MCF2L: variants seen among roughly 807,000 people sequenced by gnomAD.
MCF2L encodes the protein guanine nucleotide exchange factor DBS.
Under a neutral mutation model 153.4 loss-of-function variants are expected in MCF2L, and 97 were observed. The ratio of observed to expected loss-of-function variants is 0.63; its 90% CI spans 0.54 to 0.75. The LOEUF (loss-of-function observed/expected upper bound fraction) is 0.75. Among genes scored for constraint, MCF2L ranks in the 30% least tolerant of loss-of-function variants. MCF2L has a pLI of 0.00. For missense variants in MCF2L, 1,347 were observed against 1,495.2 expected, an observed-to-expected ratio of 0.90 and a Z score of 1.64; for synonymous variants, 659 against 632.2, an observed-to-expected ratio of 1.04 and a Z score of -0.64.
chr13:112,995,598 G>A (rs1188903607), intron 1 of MCF2L, among the ~76,000 whole-genome samples: 1 of 152,214 alleles, frequency 6.6e-6, no homozygotes, highest in Non-Finnish European at 1.5e-5. Flanking sequence ...TCCAAGGCCT[G>A]CTGGCCTGAA....
intron 3 of MCF2L, among the ~76,000 whole-genome samples, chr13:113,034,897 G>T (rs150871572): frequency 6.6e-6 from 1 of 150,974 alleles, no homozygotes; most frequent in East Asian, 2.4e-4. Context: ...GGTGAGGAAG[G>T]TCTGCCCGAG....
intron 2 of MCF2L, among the ~76,000 whole-genome samples, chr13:112,922,899 T>C (rs1594331863): frequency 1.3e-5 from 2 of 152,230 alleles, no homozygotes; most frequent in East Asian, 3.8e-4. Flanking sequence ...CAAAGATGGT[T>C]AACATTAGAA....
chr13:113,065,050 C>G lies in MCF2L; in HGVS notation c.721C>G (p.Leu241Val), dbSNP rs1419657604. The G allele has an allele frequency of 3.7e-6, 6 of 1,611,170 alleles. No homozygotes were observed. The highest frequency in any genetic ancestry group is 5.1e-6 in the Non-Finnish European group (6 of 1,179,848). ...TGACGTCCAGTCGACAAGCTCAGTG[C>G]TGTGTGCGCACACAGAGAAGAAGGA... Reference protein sequence around the residue: ...PNDVQSTSSVLCAHTEKKDKA... With the variant: ...PNDVQSTSSVVCAHTEKKDKA... The change falls in exon 7 of 30, where the codon CTG becomes GTG. Residue 241 changes from leucine (L) to valine (V), a missense_variant. This residue lies in a region of MCF2L where 820 missense variants were observed against 921.2 expected (regional missense o/e 0.89). Transcript: ENST00000535094.
At chr13:112,900,054 G>A (rs1477913884) in intron 1 of MCF2L, among the ~76,000 whole-genome samples, 3 of 152,156 alleles carry the variant, frequency 2.0e-5, no homozygotes, top group African/African-American at 4.8e-5. Context: ...ACGTGACCGT[G>A]CACACCTGGC....
rs956309750 is a variant in MCF2L at position 113,046,264 on chromosome 13, G to C, written c.369+903G>C. On this transcript the variant is annotated intron_variant, in intron 4 of 29. Transcript: ENST00000535094. This position sits in a 1 kb window ranked among gnomAD's most constrained non-coding sequence, Gnocchi z 4.4. ...CATTGCTGCCAAAGGACCAAAAAAG[G>C]CTGCCTGTCTGCCAAGAGGTGACCC... 3 of 221,376 alleles carry C rather than the reference G, an allele frequency of 1.4e-5. No homozygotes were observed. Among genetic ancestry groups the C allele is most frequent in the African/African-American group, 7.0e-5 (3 of 42,616 alleles). The allele number at this position is 221,376 out of a possible 1,614,324, so 13.7% of individuals were successfully genotyped here.
chr13:113,051,140 C>T (rs2087286186), intron 4 of MCF2L, among the ~76,000 whole-genome samples: 1 of 152,196 alleles, frequency 6.6e-6, no homozygotes, highest in Non-Finnish European at 1.5e-5. Flanking sequence ...CAGAAGGGGA[C>T]CAGGATCTGC....
At chr13:112,994,280 G>A (rs575911163) in intron 1 of MCF2L, among the ~76,000 whole-genome samples, 1 of 148,794 alleles carries the variant, frequency 6.7e-6, no homozygotes, top group South Asian at 2.1e-4. Context: ...GTGGCTGTCG[G>A]CGTGACGGGG....
At position 113,084,909 on chromosome 13, in the gene MCF2L, C is replaced by T; in HGVS notation, c.2079C>T (p.Ile693=). The T allele has an allele frequency of 6.2e-7, 1 of 1,613,854 alleles. No homozygotes were observed. The highest frequency in any genetic ancestry group is 8.5e-7 in the Non-Finnish European group (1 of 1,179,874). Residue 693 remains isoleucine (I), a synonymous_variant, in exon 19 of 30, where the codon ATC becomes ATT. Transcript: ENST00000535094. ...CFLERMEDFQ[I]YEKYCQNKPR... ...CGGTGCAGATGGAAGATTTCCAGAT[C>T]TATGAGAAGTACTGTCAGAACAAGC...
intron 1 of MCF2L, among the ~76,000 whole-genome samples, chr13:112,970,802 C>T (rs188760393): frequency 6.6e-5 from 10 of 152,238 alleles, no homozygotes; most frequent in Admixed American, 3.9e-4. Context: ...TGGAAAAAGG[C>T]TATCTCAGAA....
chr13:112,980,452 C>G (rs1328344779), intron 1 of MCF2L, among the ~76,000 whole-genome samples: 1 of 152,228 alleles, frequency 6.6e-6, no homozygotes, highest in African/African-American at 2.4e-5. Context: ...ACTTGGCTCC[C>G]CACGGAGTTT....
chr13:112,983,884 C>A lies in MCF2L; in HGVS notation c.79+14426C>A, dbSNP rs1341991079. On this transcript the variant is annotated intron_variant, in intron 1 of 29. Coordinates refer to ENST00000535094, the MANE Select transcript of MCF2L (RefSeq NM_001112732.3). The surrounding 1 kb of genome is among the most constrained non-coding windows in gnomAD (Gnocchi z 4.0). Reference sequence around the variant, plus strand: ...CCTTGGGTTGAGCACTGAAAAGAGCCCCTTTGGGTTAGGAGGCAGGTGGAC... The same window carrying A: ...CCTTGGGTTGAGCACTGAAAAGAGCACCTTTGGGTTAGGAGGCAGGTGGAC... Among the ~76,000 whole-genome samples, 1 of 152,156 alleles carries A rather than the reference C, an allele frequency of 6.6e-6. No homozygotes were observed. The highest frequency in any genetic ancestry group is 1.9e-4 in the East Asian group (1 of 5,176).
chr13:112,950,210 G>A lies in MCF2L; in HGVS notation c.169+47839G>A, dbSNP rs1241609320. Among the ~76,000 whole-genome samples, 7 of 152,266 alleles carry A rather than the reference G, an allele frequency of 4.6e-5. No homozygotes were observed. The East Asian group carries it at 7.7e-4, about 17-fold the overall frequency. On this transcript the variant is annotated intron_variant, in intron 2 of 29. Transcript: ENST00000375608. ...AAATATGTACAAGACTTTTGTGCTG[G>A]AAACTGCATGATGCTGATGAGAGAA... is the stretch of plus-strand genomic sequence containing the variant.
chr13:112,979,527 A>G (rs908769947), intron 1 of MCF2L: 3 of 1,495,104 alleles, frequency 2.0e-6, no homozygotes, highest in African/African-American at 2.8e-5. Context: ...TCTTGTGACC[A>G]TGCGGCACCC....
chr13:113,065,274 C>T lies in MCF2L; in HGVS notation c.756+189C>T, dbSNP rs548531574. 2.3e-4 allele frequency: 146 copies of T among 625,614 alleles called. No individual in the cohort carries two copies. In the African/African-American group the frequency reaches 2.5e-3, roughly 11 times the overall value. 38.8% of individuals were successfully genotyped at this position (625,614 alleles called of 1,614,324 possible). On this transcript the variant is annotated intron_variant, in intron 7 of 29. Coordinates refer to ENST00000535094, the MANE Select transcript of MCF2L (RefSeq NM_001112732.3). ...GCAATTAGCTCGGCAACCTCTCCGA[C>T]GAGAACGGAATAAAAGGAGTGTAAA...
intron 2 of MCF2L, among the ~76,000 whole-genome samples, chr13:112,947,048 G>C (rs2081645112): frequency 6.6e-6 from 1 of 152,094 alleles, no homozygotes; most frequent in Non-Finnish European, 1.5e-5. Context: ...TCACAGACTG[G>C]GTAATTTATT....
chr13:112,986,487 A>T (rs1594493111), intron 1 of MCF2L, among the ~76,000 whole-genome samples: 1 of 151,534 alleles, frequency 6.6e-6, no homozygotes, highest in Non-Finnish European at 1.5e-5. Flanking sequence ...CAAACCTCCC[A>T]CCTCCCCACG....
At chr13:113,043,202 A>C (rs1047304748) in intron 3 of MCF2L, 2 of 152,228 alleles carry the variant, frequency 1.3e-5, no homozygotes, top group Admixed American at 6.5e-5. Flanking sequence ...CCTCCCGCCC[A>C]ACACACAGCC....
intron 11 of MCF2L, 51 bp from the exon 12 acceptor site, chr13:113,075,915 G>T: frequency 7.1e-7 from 1 of 1,412,842 alleles, no homozygotes; most frequent in Non-Finnish European, 9.7e-7. Context: ...ACAGGGTGAC[G>T]CTCTCACCCT....
At chr13:112,944,090 T>C (rs1276676056) in intron 2 of MCF2L, among the ~76,000 whole-genome samples, 5 of 111,198 alleles carry the variant, frequency 4.5e-5, no homozygotes, top group African/African-American at 1.9e-4. Context: ...AGGGAAGGGT[T>C]CCGGACCATG....
Sources: allele counts gnomAD v4.1 joint callset (sites outside exome capture counted in the v4.1 genomes callset), GRCh38; gene constraint gnomAD v4.1.1; regional missense constraint gnomAD v4.1.1; non-coding constraint Gnocchi (gnomAD v3.1); transcripts MANE v1.5; gene names NCBI Gene and HGNC (gene_info 2026-07-23, HGNC 2026-07-21).